HLCS: variants seen among roughly 807,000 people sequenced by gnomAD.
HLCS encodes biotin--protein ligase.
In HLCS, 53 loss-of-function variants were observed where a neutral mutation model predicts 75.0. That is an observed-to-expected ratio of 0.71 (90% CI 0.57 to 0.89). HLCS has a LOEUF of 0.89. Ranked by LOEUF, HLCS falls within the 40% of genes least tolerant of loss-of-function variation. The pLI, the probability that HLCS is intolerant of heterozygous loss-of-function variation, is 0.00. For synonymous variants in HLCS, 431 were observed against 428.6 expected, an observed-to-expected ratio of 1.01 and a Z score of -0.07; for missense variants, 966 against 1,074.0, an observed-to-expected ratio of 0.90 and a Z score of 1.41.
intron 1 of HLCS, 21 bp downstream of exon 1, chr21:36,966,423 C>CCCGGG: frequency 4.4e-6 from 2 of 458,632 alleles, no homozygotes; most frequent in Non-Finnish European, 5.7e-6. Context: ...CCCGGGTCGC[C>CCCGGG]CGCCCGCCCG....
intron 2 of HLCS, among the ~76,000 whole-genome samples, chr21:36,949,830 C>T (rs563595979): frequency 2.7e-4 from 41 of 152,314 alleles, no homozygotes; most frequent in Non-Finnish European, 4.6e-4. Flanking sequence ...GAGTAACATA[C>T]CCAAGAAACT....
chr21:36,894,175 T>C (rs1463160839), intron 6 of HLCS, among the ~76,000 whole-genome samples: 1 of 152,180 alleles, frequency 6.6e-6, no homozygotes, highest in Non-Finnish European at 1.5e-5. Context: ...AGGACGTGCC[T>C]GCTTCCCCTT....
At chr21:36,829,048 G>A (rs1320957525) in intron 6 of HLCS, among the ~76,000 whole-genome samples, 1 of 152,118 alleles carries the variant, frequency 6.6e-6, no homozygotes, top group Non-Finnish European at 1.5e-5. Flanking sequence ...TGGTTCCAAC[G>A]GCCCCTTACT....
intron 6 of HLCS, among the ~76,000 whole-genome samples, chr21:36,878,318 G>A (rs1461802479): frequency 6.6e-6 from 1 of 152,128 alleles, no homozygotes; most frequent in Non-Finnish European, 1.5e-5. Flanking sequence ...CTGAGAACAT[G>A]AAGATGATAA....
At chr21:36,942,565 T>C (rs2146556731) in intron 2 of HLCS, among the ~76,000 whole-genome samples, 1 of 152,270 alleles carries the variant, frequency 6.6e-6, no homozygotes, top group South Asian at 2.1e-4. Context: ...GTCATGACTT[T>C]TGATCAACCA....
chr21:36,906,519 G>A (rs1012078759), intron 5 of HLCS, among the ~76,000 whole-genome samples: 8 of 152,154 alleles, frequency 5.3e-5, no homozygotes, highest in Non-Finnish European at 8.8e-5. Context: ...GCGACAGAGC[G>A]AGACCCCATC....
At chr21:36,951,041 T>C (rs1296272230) in intron 2 of HLCS, among the ~76,000 whole-genome samples, 1 of 152,200 alleles carries the variant, frequency 6.6e-6, no homozygotes, top group Non-Finnish European at 1.5e-5. Flanking sequence ...GCTGCTTCCA[T>C]TCCATAGGCA....
intron 9 of HLCS, chr21:36,759,279 C>T: frequency 2.2e-6 from 1 of 461,486 alleles, no homozygotes; most frequent in South Asian, 1.6e-5. Context: ...GGATTCTTTA[C>T]CCCGCCTTGA....
chr21:36,833,188 A>AT (rs11445706), intron 6 of HLCS, among the ~76,000 whole-genome samples: 8,231 of 146,596 alleles, frequency 0.056, 334 homozygotes, highest in South Asian at 0.17. Flanking sequence ...GCCTAGCTAA[A>AT]TTTTTTTTTT....
chr21:36,887,729 C>T, intron 6 of HLCS, among the ~76,000 whole-genome samples: 1 of 152,140 alleles, frequency 6.6e-6, no homozygotes, highest in Non-Finnish European at 1.5e-5. Flanking sequence ...ACCAAACTGA[C>T]ACATAAAAAA....
chr21:36,923,186 G>C (rs1275911619), intron 5 of HLCS, among the ~76,000 whole-genome samples: 2 of 152,306 alleles, frequency 1.3e-5, no homozygotes, highest in South Asian at 4.1e-4. Context: ...AAAAATCCGC[G>C]TGTGAGAATG....
At chr21:36,940,758 C>T (rs549362424) in intron 2 of HLCS, among the ~76,000 whole-genome samples, 8 of 152,284 alleles carry the variant, frequency 5.3e-5, no homozygotes, top group East Asian at 3.9e-4. Context: ...TAAGCATAGA[C>T]ATATAGAGAT....
intron 6 of HLCS, among the ~76,000 whole-genome samples, chr21:36,799,388 C>A (rs1384074648): frequency 6.6e-6 from 1 of 152,226 alleles, no homozygotes; most frequent in Non-Finnish European, 1.5e-5. Flanking sequence ...TCTATCCTTA[C>A]ACCAACACGC....
At chr21:36,759,909 T>C (rs188336563) in intron 8 of HLCS, 68 bp from the exon 9 acceptor site, 984 of 946,810 alleles carry the variant, frequency 1.0e-3, no homozygotes, top group Non-Finnish European at 1.5e-3. Flanking sequence ...GTCACTGAGC[T>C]AAGGGAAGAT....
chr21:36,909,619 G>A (rs1042888747), intron 5 of HLCS, among the ~76,000 whole-genome samples: 3 of 152,102 alleles, frequency 2.0e-5, no homozygotes, highest in African/African-American at 2.4e-5. Context: ...TGGAGGCAGC[G>A]TCTTGCTTTG....
rs186604557 is a variant in HLCS at position 36,756,267 on chromosome 21, C to T, written c.2450+275G>A. The stretch of plus-strand genomic sequence containing the variant: ...TCCTGGCTAACACGGTGAAACCCCA[C>T]CTCCACTAAAAATACAAAAAATTAG... On this transcript the variant is annotated intron_variant, in intron 10 of 10. Coordinates refer to ENST00000674895, the MANE Select transcript of HLCS (RefSeq NM_001352514.2). Among the ~76,000 whole-genome samples the T allele has an allele frequency of 0.052, 7,905 of 151,582 alleles. 488 individuals carry two copies. The highest frequency in any genetic ancestry group is 0.15 in the African/African-American group (6,216 of 41,224).
rs1339347243 is a variant in HLCS, at chr21:36,842,066, A to G, written c.1892+54794T>C. 1.3e-5 allele frequency among the ~76,000 whole-genome samples: 2 copies of G among 152,202 alleles called. No individual in the cohort carries two copies. The highest frequency in any genetic ancestry group is 4.8e-5 in the African/African-American group (2 of 41,452). On this transcript the variant is annotated intron_variant, in intron 6 of 10. Transcript: ENST00000674895. The surrounding 1 kb of genome is among the most constrained non-coding windows in gnomAD (Gnocchi z 4.2). ...GCATGATTCATAATAGCCCCAAACC[A>G]GAAACAACCCAAATGCCCGTTAATA...
intron 6 of HLCS, among the ~76,000 whole-genome samples, chr21:36,851,007 G>A (rs1971899042): frequency 6.6e-6 from 1 of 152,090 alleles, no homozygotes; most frequent in African/African-American, 2.4e-5. Context: ...GGGCAGGGTG[G>A]GTTAGGAACT....
At chr21:36,776,549 G>A (rs936967086) in intron 6 of HLCS, among the ~76,000 whole-genome samples, 1 of 152,074 alleles carries the variant, frequency 6.6e-6, no homozygotes, top group South Asian at 2.1e-4. Context: ...TGAGTAGCTG[G>A]GATTACAGGC....
Sources: gnomAD v4.1 joint callset for allele counts (sites outside exome capture counted in the v4.1 genomes callset) on GRCh38, gnomAD v4.1.1 for gene constraint, Gnocchi (gnomAD v3.1) non-coding constraint, MANE v1.5 for transcripts, NCBI Gene and HGNC (gene_info 2026-07-23, HGNC 2026-07-21) for gene names.